Variants in RAMP3 observed in about 807,000 individuals in gnomAD.
RAMP3 encodes the protein receptor activity-modifying protein 3.
In RAMP3, 14 loss-of-function variants were observed where a neutral mutation model predicts 13.5. The observed-to-expected ratio is 1.04, with a 90% CI of 0.69 to 1.63. The LOEUF (loss-of-function observed/expected upper bound fraction) is 1.63. Among genes scored for constraint, RAMP3 ranks in the 40% most tolerant of loss-of-function variants. The pLI is 0.00. For missense variants in RAMP3, 200 were observed against 204.8 expected, an observed-to-expected ratio of 0.98 and a Z score of 0.14; for synonymous variants, 106 against 88.3, an observed-to-expected ratio of 1.20 and a Z score of -1.12.
At chr7:45,167,140 G>C (rs1247290285) in intron 1 of RAMP3, among the ~76,000 whole-genome samples, 1 of 152,022 alleles carries the variant, frequency 6.6e-6, no homozygotes, top group Non-Finnish European at 1.5e-5. Context: ...TGTACTTTTA[G>C]TAGAGACGCG....
At chr7:45,178,052 G>A (rs1447697133) in intron 2 of RAMP3, among the ~76,000 whole-genome samples, 5 of 152,042 alleles carry the variant, frequency 3.3e-5, no homozygotes, top group African/African-American at 1.2e-4. Context: ...TACCCCAGGG[G>A]GTGCCCTGGC....
chr7:45,163,132 C>T (rs1406070637), intron 1 of RAMP3: 6 of 982,126 alleles, frequency 6.1e-6, no homozygotes, highest in Non-Finnish European at 7.3e-6. Context: ...TGGTTTCACA[C>T]CCCAGAGGCT....
chr7:45,178,025 AG>A (rs1460994138), intron 2 of RAMP3, among the ~76,000 whole-genome samples: 1 of 150,026 alleles, frequency 6.7e-6, no homozygotes, highest in South Asian at 2.1e-4. Flanking sequence ...GCACTCTCCC[AG>A]GGGTGGGTGC....
Position 45,163,785 on chromosome 7 carries a change from T to G in RAMP3, c.58+5899T>G, listed in dbSNP as rs1033793530. On this transcript the variant is annotated intron_variant, in intron 1 of 2. Coordinates refer to ENST00000242249, the MANE Select transcript of RAMP3 (RefSeq NM_005856.3). ...ACTAAACAGGATGAGGTCTCTGTCT[T>G]CTGGCTCCGTGCCAGTGGGGCATCT... is the stretch of plus-strand genomic sequence containing the variant. The G allele has an allele frequency of 1.2e-5, 12 of 985,280 alleles. No individual in the cohort carries two copies. The African/African-American group carries it at 2.1e-4, about 17-fold the overall frequency. The allele number at this position is 985,280 out of a possible 1,614,324, so 61.0% of individuals were successfully genotyped here.
Position 45,183,236 on chromosome 7 carries a change from G to T in RAMP3, c.271G>T (p.Gly91Cys). Residue 91 changes from glycine to cysteine, a missense_variant, in exon 3 of 3, where the codon GGC becomes TGC. By Grantham distance (159) the Gly-to-Cys change is radical (BLOSUM62 -3). Transcript: ENST00000242249. ...GCYWPNPLAQ[G>C]FITGIHRQFF... Reference sequence around the variant, plus strand: ...CTACTGGCCCAACCCCCTGGCCCAGGGCTTCATCACCGGCATCCACAGGCA... The same window carrying T: ...CTACTGGCCCAACCCCCTGGCCCAGTGCTTCATCACCGGCATCCACAGGCA... The T allele has an allele frequency of 6.2e-7, 1 of 1,613,884 alleles. No homozygotes were observed. Among genetic ancestry groups the T allele is most frequent in the East Asian group, 2.2e-5 (1 of 44,854 alleles).
At chr7:45,162,003 C>T (rs535609680) in intron 1 of RAMP3, among the ~76,000 whole-genome samples, 18 of 152,178 alleles carry the variant, frequency 1.2e-4, no homozygotes, top group African/African-American at 3.6e-4. Flanking sequence ...AGCAGCTAGG[C>T]GAACCTTCAG....
chr7:45,183,414 G>C lies in RAMP3; in HGVS notation c.*2G>C, dbSNP rs202066316. 4 of 1,611,286 alleles carry C rather than the reference G, an allele frequency of 2.5e-6. No individual in the cohort carries two copies. In the African/African-American group the frequency reaches 5.3e-5, roughly 22 times the overall value. On this transcript the variant is annotated 3_prime_UTR_variant, in exon 3 of 3. Transcript: ENST00000242249. ...AAACGCACCGACACGCTGCTGTGAG[G>C]GTCCCGGTGAGATGGAGTGGGTCAC...
chr7:45,160,420 C>CTTATCCT (rs555011363), intron 1 of RAMP3, among the ~76,000 whole-genome samples: 17 of 136,748 alleles, frequency 1.2e-4, no homozygotes, highest in African/African-American at 4.6e-4. Context: ...ATTTTTGGCA[C>CTTATCCT]TGGAGGTTCC....
At chr7:45,168,112 T>C (rs1786006867) in intron 1 of RAMP3, among the ~76,000 whole-genome samples, 3 of 152,014 alleles carry the variant, frequency 2.0e-5, no homozygotes, top group Admixed American at 2.0e-4. Context: ...TAAAATTTCT[T>C]TCAACAGGCC....
intron 1 of RAMP3, among the ~76,000 whole-genome samples, chr7:45,162,463 G>C (rs1785883675): frequency 6.6e-6 from 1 of 152,212 alleles, no homozygotes; most frequent in African/African-American, 2.4e-5. Context: ...CCAAGGGTGG[G>C]AATTGGAGTG....
At position 45,177,337 on chromosome 7, in the gene RAMP3, C is replaced by T. The variant is rs145890722; in HGVS notation, c.87C>T (p.Asn29=). Residue 29 remains asparagine, a synonymous_variant, in exon 2 of 3, where the codon AAC becomes AAT. Coordinates refer to ENST00000242249, the MANE Select transcript of RAMP3 (RefSeq NM_005856.3). ...CGGCPRAGGC[N]ETGMLERLPL... ...GGTGTCCCAGAGCAGGCGGCTGCAACGAGACAGGCATGTTGGAGAGGCTGC... is the reference window on the plus strand; with the variant it reads ...GGTGTCCCAGAGCAGGCGGCTGCAATGAGACAGGCATGTTGGAGAGGCTGC... 2.8e-4 allele frequency: 453 copies of T among 1,614,152 alleles called. 2 individuals are homozygous for T. In the African/African-American group the frequency reaches 4.3e-3, roughly 15 times the overall value.
chr7:45,178,028 G>C (rs926503260), intron 2 of RAMP3, among the ~76,000 whole-genome samples: 1 of 150,608 alleles, frequency 6.6e-6, no homozygotes, highest in Non-Finnish European at 1.5e-5. Context: ...CTCTCCCAGG[G>C]GTGGGTGCTG....
intron 1 of RAMP3, among the ~76,000 whole-genome samples, chr7:45,174,177 T>C (rs1469956365): frequency 1.3e-5 from 2 of 152,122 alleles, no homozygotes; most frequent in Non-Finnish European, 2.9e-5. Flanking sequence ...CACAGATGAC[T>C]ACCCCAAAGC....
chr7:45,174,545 T>A (rs1329043628), intron 1 of RAMP3, among the ~76,000 whole-genome samples: 1 of 152,196 alleles, frequency 6.6e-6, no homozygotes, highest in African/African-American at 2.4e-5. Flanking sequence ...ATGGGGCCTG[T>A]GCATTTTTTA....
chr7:45,166,958 C>CTCTTTTTTTTTTT, intron 1 of RAMP3, among the ~76,000 whole-genome samples: 1 of 101,240 alleles, frequency 9.9e-6, no homozygotes, highest in African/African-American at 4.5e-5. Flanking sequence ...GTCTTTGATG[C>CTCTTTTTTTTTTT]TTTTTTTTTT....
intron 1 of RAMP3, among the ~76,000 whole-genome samples, chr7:45,176,414 A>ACACACACC (rs1491035865): frequency 2.7e-5 from 4 of 149,404 alleles, no homozygotes; most frequent in African/African-American, 9.9e-5. Flanking sequence ...ACACACACAC[A>ACACACACC]CCAAGACACA....
At chr7:45,172,886 A>G (rs1164370985) in intron 1 of RAMP3, among the ~76,000 whole-genome samples, 2 of 152,120 alleles carry the variant, frequency 1.3e-5, no homozygotes, top group Non-Finnish European at 2.9e-5. Context: ...GGTCATGTGA[A>G]TTTGGGCTGT....
intron 1 of RAMP3, chr7:45,163,634 T>C (rs1785905367): frequency 2.0e-6 from 2 of 985,304 alleles, no homozygotes; most frequent in Admixed American, 1.2e-4. Flanking sequence ...TTGACAGAGA[T>C]TTTGTAGGTG....
At chr7:45,180,842 G>T (rs1462769402) in intron 2 of RAMP3, among the ~76,000 whole-genome samples, 3 of 152,220 alleles carry the variant, frequency 2.0e-5, no homozygotes, top group African/African-American at 7.2e-5. Flanking sequence ...GAGTGCTCTG[G>T]GGAGCCTGAC....
Sources: allele counts gnomAD v4.1 joint callset (sites outside exome capture counted in the v4.1 genomes callset), GRCh38; gene constraint gnomAD v4.1.1; transcripts MANE v1.5; gene names NCBI Gene and HGNC (gene_info 2026-07-23, HGNC 2026-07-21).